Variants in TPPP2 observed in about 807,000 individuals in gnomAD.
The protein encoded by TPPP2 is tubulin polymerization-promoting protein family member 2.
A neutral mutation model predicts 13.0 loss-of-function variants in TPPP2; 8 were observed. The ratio of observed to expected loss-of-function variants is 0.62; its 90% CI spans 0.36 to 1.11. The LOEUF (loss-of-function observed/expected upper bound fraction) is 1.11. TPPP2 is among the 50% of genes most tolerant of loss of function. The pLI, the probability that TPPP2 is intolerant of heterozygous loss-of-function variation, is 0.02. For synonymous variants in TPPP2, 81 were observed against 81.8 expected (o/e 0.99, Z 0.05); for missense variants, 213 against 216.9 (o/e 0.98, Z 0.11).
upstream of TPPP2, chr14:21,025,806 G>T: frequency 2.5e-6 from 2 of 785,268 alleles, no homozygotes; most frequent in Non-Finnish European, 3.1e-6. This position sits in a 1 kb window ranked among gnomAD's most constrained non-coding sequence, Gnocchi z 5.1. Context: ...GCGGGCAGGC[G>T]GGGGGTGGGG....
At chr14:21,024,976 G>A in intron 1 of TPPP2, 1 of 985,598 alleles carries the variant, frequency 1.0e-6, no homozygotes, top group Non-Finnish European at 1.2e-6. Flanking sequence ...CCGCCCGCCG[G>A]CCCGGCTGGC....
At chr14:21,033,905 G>A (rs1176787002), downstream of TPPP2, 1 of 1,613,948 alleles carries the variant, frequency 6.2e-7, no homozygotes, top group Non-Finnish European at 8.5e-7. Flanking sequence ...GGTTGGTTAG[G>A]GTGCTATTGT....
upstream of TPPP2, among the ~76,000 whole-genome samples, chr14:21,026,710 A>G (rs921233513): frequency 7.2e-5 from 11 of 151,978 alleles, no homozygotes; most frequent in African/African-American, 2.7e-4. Flanking sequence ...CCCAATTTGG[A>G]GCACCCAACT....
chr14:21,025,334 G>A (rs551131012), upstream of TPPP2: 31 of 983,324 alleles, frequency 3.2e-5, no homozygotes, highest in South Asian at 1.3e-3. This position sits in a 1 kb window ranked among gnomAD's most constrained non-coding sequence, Gnocchi z 5.1. Flanking sequence ...GGGGAGTGCG[G>A]GGATCCCTCA....
chr14:21,027,489 T>C (rs540643415), upstream of TPPP2, among the ~76,000 whole-genome samples: 9 of 152,218 alleles, frequency 5.9e-5, no homozygotes, highest in Non-Finnish European at 1.0e-4. Flanking sequence ...ATCAATCATT[T>C]GGACAGTAAG....
upstream of TPPP2, among the ~76,000 whole-genome samples, chr14:21,027,348 T>C (rs1318312479): frequency 1.3e-5 from 2 of 152,236 alleles, no homozygotes; most frequent in Non-Finnish European, 2.9e-5. Context: ...GTATCTGTTA[T>C]GTGCAAGCCA....
In TPPP2 at chr14:21,025,187, T is replaced by G; in HGVS notation, n.236+843T>G. ...AGACCCCCAGTAAACACGCCCCCCCTTTCACCCCGCCCAGACTGCCGCTCA... is the reference window on the plus strand; with the variant it reads ...AGACCCCCAGTAAACACGCCCCCCCGTTCACCCCGCCCAGACTGCCGCTCA... On this transcript the variant is annotated intron_variant and non_coding_transcript_variant, in intron 1 of 1. Transcript: ENST00000533755. The surrounding 1 kb of genome is among the most constrained non-coding windows in gnomAD (Gnocchi z 5.1). The G allele has an allele frequency of 1.1e-6, 1 of 873,190 alleles. No homozygotes were observed. Among genetic ancestry groups the G allele is most frequent in the Non-Finnish European group, 1.4e-6 (1 of 729,576 alleles). The allele number at this position is 873,190 out of a possible 1,614,324, so 54.1% of individuals were successfully genotyped here.
intron 2 of TPPP2, 39 bp from the exon 3 acceptor site, chr14:21,030,973 C>A: frequency 6.3e-7 from 1 of 1,576,160 alleles, no homozygotes. Flanking sequence ...GTAATGCATT[C>A]ATGCTCCAAA....
At chr14:21,036,328 C>T (rs1416841721), downstream of TPPP2, 11 of 453,290 alleles carry the variant, frequency 2.4e-5, no homozygotes, top group Non-Finnish European at 4.4e-5. Flanking sequence ...GCTTGTTTCT[C>T]ATAGGGTAGG....
intron 2 of TPPP2, 43 bp from the exon 3 acceptor site, chr14:21,030,969 C>T (rs1884063995): frequency 6.4e-7 from 1 of 1,573,048 alleles, no homozygotes; most frequent in Non-Finnish European, 8.6e-7. Context: ...GAAGGTAATG[C>T]ATTCATGCTC....
downstream of TPPP2, chr14:21,034,110 C>G (rs904530643): frequency 6.2e-7 from 1 of 1,614,012 alleles, no homozygotes; most frequent in African/African-American, 1.3e-5. Context: ...CATCTTGCCT[C>G]GCATATAGGA....
At position 21,031,908 on chromosome 14, in the gene TPPP2, G is replaced by C; in HGVS notation, c.344G>C (p.Gly115Ala). 6.2e-7 allele frequency: 1 copy of C among 1,614,012 alleles called. No individual in the cohort carries two copies. The highest frequency in any genetic ancestry group is 1.1e-5 in the South Asian group (1 of 91,066). ...GGCTTGCAGAAAGCAACAACAGTGG[G>C]TGCAGTGGACCGTTTGACAGACACC... is the stretch of plus-strand genomic sequence containing the variant. ...TTGATKATTV[G>A]AVDRLTDTSK... Residue 115 changes from glycine (G) to alanine (A), a missense_variant, in exon 4 of 4, where the codon GGT becomes GCT. Physicochemically the swap from Gly to Ala is moderately conservative, Grantham distance 60. Transcript: ENST00000321760.
At chr14:21,024,967 C>A (rs971057268) in intron 1 of TPPP2, 17 of 985,530 alleles carry the variant, frequency 1.7e-5, no homozygotes, top group Non-Finnish European at 2.0e-5. Context: ...TCAATCACAC[C>A]GCCCGCCGGC....
intron 2 of TPPP2, 45 bp from the exon 3 acceptor site, chr14:21,030,967 T>C (rs1340329893): frequency 1.3e-6 from 2 of 1,571,162 alleles, no homozygotes; most frequent in East Asian, 4.5e-5. Flanking sequence ...TGGAAGGTAA[T>C]GCATTCATGC....
At position 21,032,557 on chromosome 14, in the gene TPPP2, G is replaced by A; in HGVS notation, c.*480G>A. On this transcript the variant is annotated 3_prime_UTR_variant, in exon 4 of 4. Transcript: ENST00000321760. ...CAATTCAGGTTTTTTGGGTGGAGGA[G>A]TAGAAGCCAGCTAAGGTTGCCTGAC... is the stretch of plus-strand genomic sequence containing the variant. 1 of 347,486 alleles carries A rather than the reference G, an allele frequency of 2.9e-6. No homozygotes were observed. Among genetic ancestry groups the A allele is most frequent in the Non-Finnish European group, 5.6e-6 (1 of 178,168 alleles). The allele number at this position is 347,486 out of a possible 1,614,324, so 21.5% of individuals were successfully genotyped here.
Position 21,031,036 on chromosome 14 carries a change from G to A in TPPP2, c.198G>A (p.Thr66=), listed in dbSNP as rs1292942891. The A allele has an allele frequency of 8.1e-6, 13 of 1,613,336 alleles. No individual in the cohort carries two copies. The highest frequency in any genetic ancestry group is 6.7e-5 in the East Asian group (3 of 44,896). Residue 66 remains threonine (T), a synonymous_variant, in exon 3 of 4, where the codon ACG becomes ACA. Transcript: ENST00000321760. Reference sequence around the variant, plus strand: ...GGGCCAAGAACGCCCGAACCATCACGTTTCAACAGTTCAAAGAGGCAGTGA... The same window carrying A: ...GGGCCAAGAACGCCCGAACCATCACATTTCAACAGTTCAAAGAGGCAGTGA... ...KVKAKNARTI[T]FQQFKEAVKE...
At chr14:21,031,730 A>C (rs375813729) in intron 3 of TPPP2, among the ~76,000 whole-genome samples, 162 bp from the exon 4 acceptor site, 2 of 152,078 alleles carry the variant, frequency 1.3e-5, no homozygotes, top group Non-Finnish European at 2.9e-5. Flanking sequence ...TTACCAGAGT[A>C]CCTGCCCACA....
upstream of TPPP2, chr14:21,025,855 A>C: frequency 2.8e-5 from 4 of 143,238 alleles, no homozygotes; most frequent in Non-Finnish European, 5.3e-5. The surrounding 1 kb of genome is among the most constrained non-coding windows in gnomAD (Gnocchi z 5.1). Flanking sequence ...CAATGCCTCA[A>C]GGGGCGCGGG....
Position 21,032,229 on chromosome 14 carries a change from G to C in TPPP2, c.*152G>C. On this transcript the variant is annotated 3_prime_UTR_variant, in exon 4 of 4. Transcript: ENST00000321760. ...ACTAGTGTAGAGAGAGGGAGAAGAG[G>C]CAGCACAGGAGGGTGGGTTCTCCAC... The C allele has an allele frequency of 1.9e-4, 154 of 796,074 alleles. No homozygotes were observed. The highest frequency in any genetic ancestry group is 2.9e-4 in the Non-Finnish European group (137 of 470,006). The allele number at this position is 796,074 out of a possible 1,614,324, so 49.3% of individuals were successfully genotyped here. A position where few individuals can be genotyped will look rare whatever the true frequency, so the allele number is the denominator to read the frequency against.
Sources: allele counts gnomAD v4.1 joint callset (sites outside exome capture counted in the v4.1 genomes callset), GRCh38; gene constraint gnomAD v4.1.1; non-coding constraint Gnocchi (gnomAD v3.1); transcripts MANE v1.5; gene names NCBI Gene and HGNC (gene_info 2026-07-23, HGNC 2026-07-21).